CGRRF1: variants seen among roughly 807,000 people sequenced by gnomAD.
CGRRF1 encodes cell growth regulator with RING finger domain protein 1.
Under a neutral mutation model 37.2 loss-of-function variants are expected in CGRRF1, and 32 were observed. The observed-to-expected ratio is 0.86, with a 90% confidence interval of 0.65 to 1.16. The LOEUF is 1.16. Among genes scored for constraint, CGRRF1 ranks in the 50% most tolerant of loss-of-function variants. The pLI is 0.00. For missense variants in CGRRF1, 391 were observed against 382.6 expected (o/e 1.02, Z -0.18); for synonymous variants, 141 against 140.3 (o/e 1.00, Z -0.04).
intron 1 of CGRRF1, among the ~76,000 whole-genome samples, chr14:54,519,730 A>G (rs1454421433): frequency 1.3e-5 from 2 of 152,222 alleles, no homozygotes; most frequent in Non-Finnish European, 1.5e-5. Flanking sequence ...CCATGAAACC[A>G]TGGCATAGCC....
In CGRRF1 at chr14:54,530,952, A is replaced by G. The variant is rs935265428; in HGVS notation, c.472A>G (p.Thr158Ala). ...EEIYCQLPRD[T>A]KIEDFGTVPR... is the part of the protein sequence containing the mutation. ...AATATATTGCCAGTTACCAAGAGAT[A>G]CTAAAATTGAAGACTTTGGTACAGT... The change falls in exon 4 of 6, where the codon ACT (threonine) becomes GCT (alanine). Residue 158 changes from threonine (T) to alanine (A), a missense_variant. By Grantham distance (58) the Thr-to-Ala change is moderately conservative. Transcript: ENST00000216420. The G allele has an allele frequency of 5.0e-6, 8 of 1,598,554 alleles. No individual in the cohort carries two copies. The African/African-American group carries it at 6.7e-5, about 13-fold the overall frequency.
Position 54,530,135 on chromosome 14 carries a change from C to T in CGRRF1, c.331C>T (p.Leu111=). The T allele has an allele frequency of 6.2e-7, 1 of 1,613,374 alleles. No individual in the cohort carries two copies. The highest frequency in any genetic ancestry group is 1.3e-5 in the African/African-American group (1 of 74,996). Residue 111 remains leucine, a synonymous_variant, in exon 3 of 6, where the codon CTG becomes TTG. Transcript: ENST00000216420. ...CAGTGTTCAAAAATTATATGAAGCT[C>T]TGCAGAAGCATGTTTATTGCTTCAG... ...GCSVQKLYEA[L]QKHVYCFRIS...
chr14:54,529,978 TACTC>T (rs2032480773), intron 2 of CGRRF1, 67 bp from the exon 3 acceptor site: 2 of 1,286,150 alleles, frequency 1.6e-6, no homozygotes, highest in Non-Finnish European at 2.2e-6. Context: ...AAGCTTTTGT[TACTC>T]ACCCTGTATG....
At chr14:54,514,980 T>A (rs2032190640) in intron 1 of CGRRF1, among the ~76,000 whole-genome samples, 1 of 152,196 alleles carries the variant, frequency 6.6e-6, no homozygotes, top group Admixed American at 6.5e-5. Flanking sequence ...ATTTGACATC[T>A]TGTAAATTTA....
chr14:54,529,590 T>C (rs1566511407), intron 2 of CGRRF1, among the ~76,000 whole-genome samples: 2 of 152,234 alleles, frequency 1.3e-5, no homozygotes, highest in Non-Finnish European at 2.9e-5. Flanking sequence ...CTTTTTAATA[T>C]TTTTCTTACA....
intron 1 of CGRRF1, among the ~76,000 whole-genome samples, chr14:54,512,315 T>C (rs2032142573): frequency 6.6e-6 from 1 of 152,234 alleles, no homozygotes; most frequent in African/African-American, 2.4e-5. Context: ...GGAATCCCAA[T>C]AGCAATAGCA....
At chr14:54,516,691 G>A (rs1324436521) in intron 1 of CGRRF1, among the ~76,000 whole-genome samples, 2 of 152,140 alleles carry the variant, frequency 1.3e-5, no homozygotes, top group East Asian at 1.9e-4. Context: ...TGGGTCTGTA[G>A]GTTTTTATAG....
rs1036602587 is a variant in CGRRF1, at chr14:54,509,975, CT to C, written c.17del (p.Leu6ArgfsTer2). ...CAAGACCCTGATGGCTGCGGTGTTT[CT>C]GGTAACGCTTTATGAATACTCGCCG... is the stretch of plus-strand genomic sequence containing the variant. The part of the protein sequence containing the change: MAAVF[L>X]VTLYEYSPLF... On this transcript the variant is annotated frameshift_variant, in exon 1 of 6. Transcript: ENST00000216420. LOFTEE classifies it high-confidence loss of function. 2 of 1,613,546 alleles carry C rather than the reference CT, an allele frequency of 1.2e-6. No individual in the cohort carries two copies. The highest frequency in any genetic ancestry group is 1.7e-6 in the Non-Finnish European group (2 of 1,179,448).
intron 1 of CGRRF1, among the ~76,000 whole-genome samples, chr14:54,519,088 A>G (rs2032268898): frequency 6.6e-6 from 1 of 151,926 alleles, no homozygotes; most frequent in Non-Finnish European, 1.5e-5. Context: ...GATTACAGGC[A>G]TGCACCACCA....
Position 54,538,311 on chromosome 14 carries a change from G to A in CGRRF1, c.927G>A (p.Arg309=), listed in dbSNP as rs2032634377. 1 of 1,614,120 alleles carries A rather than the reference G, an allele frequency of 6.2e-7. No individual in the cohort carries two copies. The highest frequency in any genetic ancestry group is 8.5e-7 in the Non-Finnish European group (1 of 1,179,966). Reference sequence around the variant, plus strand: ...ATTTTCAGCAGTGCCCAATGTGCAGGCAGTTTGTTCAGGAATCTTTTGCAC... The same window carrying A: ...ATTTTCAGCAGTGCCCAATGTGCAGACAGTTTGTTCAGGAATCTTTTGCAC... The part of the protein sequence containing the change: ...VKYFQQCPMC[R]QFVQESFALC... Residue 309 remains arginine, a synonymous_variant, in exon 6 of 6, where the codon AGG becomes AGA. Coordinates refer to ENST00000216420, the MANE Select transcript of CGRRF1 (RefSeq NM_006568.3).
intron 1 of CGRRF1, among the ~76,000 whole-genome samples, chr14:54,510,521 A>G (rs1327288784): frequency 6.6e-6 from 1 of 152,244 alleles, no homozygotes; most frequent in East Asian, 1.9e-4. Context: ...TGGAGCCCTT[A>G]GCCTCAGATC....
intron 2 of CGRRF1, among the ~76,000 whole-genome samples, chr14:54,526,792 C>T (rs910945683): frequency 1.3e-5 from 2 of 152,140 alleles, no homozygotes; most frequent in African/African-American, 4.8e-5. Flanking sequence ...TGTTTGGAGG[C>T]GTTTGTGAAC....
chr14:54,537,923 A>G lies in CGRRF1; in HGVS notation c.678+94A>G, dbSNP rs1011304832. ...GGAAAGGTGATTATATTTTTCAGTT[A>G]ATAATTACAGAAGATAACTAACTGT... On this transcript the variant is annotated intron_variant, in intron 5 of 5. Coordinates refer to ENST00000216420, the MANE Select transcript of CGRRF1 (RefSeq NM_006568.3). The G allele has an allele frequency of 3.3e-6, 5 of 1,507,320 alleles. No homozygotes were observed. The African/African-American group carries it at 7.1e-5, about 21-fold the overall frequency. The allele number at this position is 1,507,320 out of a possible 1,614,324, so 93.4% of individuals were successfully genotyped here.
chr14:54,524,565 A>T (rs1341968447), intron 2 of CGRRF1, among the ~76,000 whole-genome samples: 1 of 151,696 alleles, frequency 6.6e-6, no homozygotes, highest in East Asian at 1.9e-4. Context: ...AAAAAAAAAA[A>T]TGTTTTTTGT....
intron 4 of CGRRF1, chr14:54,536,300 A>G (rs2032601278): frequency 1.3e-5 from 2 of 151,562 alleles, no homozygotes; most frequent in East Asian, 3.9e-4. Flanking sequence ...CACTGTGTGT[A>G]TGCTGTGCAT....
At chr14:54,527,084 G>C (rs1383897011) in intron 2 of CGRRF1, among the ~76,000 whole-genome samples, 1 of 152,082 alleles carries the variant, frequency 6.6e-6, no homozygotes, top group Non-Finnish European at 1.5e-5. Flanking sequence ...ACACCCATGT[G>C]CTTCACTTAT....
At chr14:54,526,532 G>T (rs2032415123) in intron 2 of CGRRF1, among the ~76,000 whole-genome samples, 2 of 151,864 alleles carry the variant, frequency 1.3e-5, no homozygotes, top group African/African-American at 4.8e-5. Context: ...TTTACTAGGG[G>T]TGGGTTGCTG....
Position 54,510,128 on chromosome 14 carries a change from C to T in CGRRF1, c.104+65C>T, listed in dbSNP as rs533512091. 18 of 1,253,590 alleles carry T rather than the reference C, an allele frequency of 1.4e-5. No homozygotes were observed. The African/African-American group carries it at 2.5e-4, about 18-fold the overall frequency. 77.7% of individuals were successfully genotyped at this position (1,253,590 alleles called of 1,614,324 possible). A position where few individuals can be genotyped will look rare whatever the true frequency, so the allele number is the denominator to read the frequency against. The stretch of plus-strand genomic sequence containing the variant: ...GCCAGAGTGGGGTCGCGACGAGCAG[C>T]AGGGGGCACCGGAGCCGGAGGGCCG... On this transcript the variant is annotated intron_variant, in intron 1 of 5. Coordinates refer to ENST00000216420, the MANE Select transcript of CGRRF1 (RefSeq NM_006568.3).
At chr14:54,534,696 C>T (rs2032572653) in intron 4 of CGRRF1, among the ~76,000 whole-genome samples, 1 of 152,040 alleles carries the variant, frequency 6.6e-6, no homozygotes, top group Admixed American at 6.6e-5. Context: ...TTATTGTTCT[C>T]CCATTTATGT....
Sources: gnomAD v4.1 joint callset for allele counts (sites outside exome capture counted in the v4.1 genomes callset) on GRCh38, gnomAD v4.1.1 for gene constraint, MANE v1.5 for transcripts, NCBI Gene and HGNC (gene_info 2026-07-23, HGNC 2026-07-21) for gene names.